RSPH3: variants seen among roughly 807,000 people sequenced by gnomAD.
RSPH3 encodes radial spoke head protein 3 homolog.
Under a neutral mutation model 43.8 loss-of-function variants are expected in RSPH3, and 21 were observed. That is an observed-to-expected ratio of 0.48 (90% CI 0.34 to 0.69). The LOEUF is 0.69. Ranked by LOEUF, RSPH3 falls within the 30% of genes least tolerant of loss-of-function variation. The pLI, the probability that RSPH3 is intolerant of heterozygous loss-of-function variation, is 0.01. For synonymous variants in RSPH3, 173 were observed against 179.8 expected, an observed-to-expected ratio of 0.96 and a Z score of 0.30; for missense variants, 487 against 516.0, an observed-to-expected ratio of 0.94 and a Z score of 0.54.
chr6:158,986,484 C>A, intron 2 of RSPH3, 63 bp from the exon 3 acceptor site: 1 of 1,413,310 alleles, frequency 7.1e-7, no homozygotes, highest in African/African-American at 1.4e-5. Context: ...ACAGGAACTG[C>A]CATTCCAAAA....
At chr6:158,996,516 C>T (rs1778602705) in intron 1 of RSPH3, among the ~76,000 whole-genome samples, 1 of 152,166 alleles carries the variant, frequency 6.6e-6, no homozygotes, top group Non-Finnish European at 1.5e-5. Context: ...ACTTCTCATA[C>T]CTAAGTAAAA....
chr6:158,971,621 G>A (rs1341964567), downstream of RSPH3, among the ~76,000 whole-genome samples: 1 of 152,140 alleles, frequency 6.6e-6, no homozygotes, highest in African/African-American at 2.4e-5. Context: ...CCTGGTTAAT[G>A]TTACATCTAA....
chr6:158,978,163 A>T, intron 7 of RSPH3, 97 bp downstream of exon 7: 2 of 741,812 alleles, frequency 2.7e-6, no homozygotes, highest in Non-Finnish European at 4.5e-6. Flanking sequence ...CTAAAAGTTT[A>T]AATATTCAAA....
In RSPH3 at chr6:158,999,977, C is replaced by T. The variant is rs377747951; in HGVS notation, c.-427G>A. ...CGGCCTTGGCTGGCTTGACCGTCAT[C>T]CTTGAGGCCTGCGGGGCAACGGTGG... On this transcript the variant is annotated 5_prime_UTR_variant, in exon 1 of 8. Coordinates refer to ENST00000367069, the MANE Select transcript of RSPH3 (RefSeq NM_031924.8). 3.2e-6 allele frequency: 5 copies of T among 1,580,506 alleles called. No homozygotes were observed. Among genetic ancestry groups the T allele is most frequent in the Non-Finnish European group, 4.3e-6 (5 of 1,162,118 alleles).
At chr6:158,963,171 A>G in the RSPH3 span, among the ~76,000 whole-genome samples, 1 of 152,200 alleles carries the variant, frequency 6.6e-6, no homozygotes, top group Non-Finnish European at 1.5e-5. Flanking sequence ...TCATCATCCC[A>G]ATTTTATGGA....
intron 7 of RSPH3, 81 bp from the exon 8 acceptor site, chr6:158,977,929 G>A: frequency 7.9e-7 from 1 of 1,265,094 alleles, no homozygotes; most frequent in East Asian, 2.3e-5. Flanking sequence ...ACTTATAGAT[G>A]ATTACAAAAA....
At position 158,986,418 on chromosome 6, in the gene RSPH3, C is replaced by A; in HGVS notation, c.208G>T (p.Gly70Ter). The A allele has an allele frequency of 6.2e-7, 1 of 1,611,062 alleles. No individual in the cohort carries two copies. Reference protein sequence around the residue: ...TYALQTGPLLGRPDSLELQRQ... With the variant: ...TYALQTGPLL Reference sequence around the variant, plus strand: ...TGGAGCTCTAGAGAATCAGGCCGTCCGAGCTAACAGTGATAGAAAATACTT... The same window carrying A: ...TGGAGCTCTAGAGAATCAGGCCGTCAGAGCTAACAGTGATAGAAAATACTT... The change falls in exon 3 of 8, where the codon GGA becomes TGA. Residue 70 changes from glycine (G) to a stop codon, truncating the protein, a stop_gained. Transcript: ENST00000367069. LOFTEE classifies it high-confidence loss of function.
downstream of RSPH3, among the ~76,000 whole-genome samples, chr6:158,970,370 A>G (rs1049569461): frequency 3.9e-5 from 6 of 152,124 alleles, no homozygotes; most frequent in African/African-American, 1.4e-4. Context: ...AGTGTTGGGC[A>G]TGCCTTTACT....
chr6:158,996,930 G>T (rs1451429038), intron 1 of RSPH3, among the ~76,000 whole-genome samples: 1 of 152,140 alleles, frequency 6.6e-6, no homozygotes, highest in Non-Finnish European at 1.5e-5. Context: ...CTCATGAATG[G>T]CTTGGCACCA....
Position 158,977,568 on chromosome 6 carries a change from C to T in RSPH3, c.1227G>A (p.Arg409=), listed in dbSNP as rs141200744. The change falls in exon 8 of 8, where the codon AGG becomes AGA. Residue 409 remains arginine, a synonymous_variant. Transcript: ENST00000367069. ...LLGQDEETAM[R]KSLGEEELS is the part of the protein sequence containing the mutation. The stretch of plus-strand genomic sequence containing the variant: ...ACAATTCTTCCTCCCCTAAGGACTT[C>T]CTCATTGCTGTTTCTTCATCTTGCC... 1 of 1,613,228 alleles carries T rather than the reference C, an allele frequency of 6.2e-7. No individual in the cohort carries two copies. The highest frequency in any genetic ancestry group is 8.5e-7 in the Non-Finnish European group (1 of 1,179,830).
downstream of RSPH3, among the ~76,000 whole-genome samples, chr6:158,971,006 T>A (rs531321312): frequency 5.9e-5 from 9 of 152,336 alleles, no homozygotes; most frequent in African/African-American, 1.9e-4. Context: ...AGGACTTTTG[T>A]CACTGAGAAA....
At chr6:158,978,396 C>A (rs200476391) in intron 6 of RSPH3, 50 bp from the exon 7 acceptor site, 1 of 917,332 alleles carries the variant, frequency 1.1e-6, no homozygotes, top group Non-Finnish European at 1.8e-6. Flanking sequence ...AGGAATAATG[C>A]GCTTTTCTCT....
At chr6:158,985,616 G>A (rs1778202625) in intron 3 of RSPH3, among the ~76,000 whole-genome samples, 1 of 151,918 alleles carries the variant, frequency 6.6e-6, no homozygotes, top group Non-Finnish European at 1.5e-5. Context: ...TTTTTTTGTA[G>A]AGATGGCGTC....
chr6:158,992,108 G>A (rs1778429850), intron 2 of RSPH3, among the ~76,000 whole-genome samples: 2 of 146,026 alleles, frequency 1.4e-5, no homozygotes, highest in South Asian at 4.4e-4. Context: ...ACCTTAGGTG[G>A]GTTCTTCACA....
chr6:158,966,154 T>C, the RSPH3 span, among the ~76,000 whole-genome samples: 16 of 152,288 alleles, frequency 1.1e-4, no homozygotes, highest in Admixed American at 2.6e-4. Context: ...ATTATATTGA[T>C]TGACTTTTGG....
intron 6 of RSPH3, among the ~76,000 whole-genome samples, chr6:158,979,123 T>A (rs1487780366): frequency 6.6e-6 from 1 of 152,178 alleles, no homozygotes; most frequent in Admixed American, 6.5e-5. Context: ...GGTGTTTCCA[T>A]CAGTATCAAG....
chr6:158,997,385 C>T lies in RSPH3; in HGVS notation c.116+2050G>A, dbSNP rs1778628921. 2.0e-5 allele frequency among the ~76,000 whole-genome samples: 3 copies of T among 151,018 alleles called. 1 individual carries two copies. Among genetic ancestry groups the T allele is most frequent in the South Asian group, 4.2e-4 (2 of 4,778 alleles). On this transcript the variant is annotated intron_variant, in intron 1 of 7. Coordinates refer to ENST00000367069, the MANE Select transcript of RSPH3 (RefSeq NM_031924.8). The stretch of plus-strand genomic sequence containing the variant: ...CTTCTGGGTTTAAGTGATCCTCCTG[C>T]GTCAGCCTCCCAAGTACCTGGGATT...
chr6:158,972,395 AGAGTCTGGCACCCC>A (rs1004030264), downstream of RSPH3, among the ~76,000 whole-genome samples: 1 of 152,132 alleles, frequency 6.6e-6, no homozygotes, highest in Non-Finnish European at 1.5e-5. Context: ...GAACATTTTA[AGAGTCTGGCACCCC>A]TACAGAGCTG....
the RSPH3 span, among the ~76,000 whole-genome samples, chr6:158,963,473 C>CTCCCT: frequency 2.6e-4 from 33 of 124,888 alleles, no homozygotes; most frequent in African/African-American, 4.1e-4. Flanking sequence ...CTCCCCTCCT[C>CTCCCT]TCCCTTCCCT....
Sources: gnomAD v4.1 joint callset for allele counts (sites outside exome capture counted in the v4.1 genomes callset) on GRCh38, gnomAD v4.1.1 for gene constraint, MANE v1.5 for transcripts, NCBI Gene and HGNC (gene_info 2026-07-23, HGNC 2026-07-21) for gene names.